OCA2: variants seen among roughly 807,000 people sequenced by gnomAD.
OCA2 encodes the protein P protein.
A neutral mutation model predicts 100.2 loss-of-function variants in OCA2; 77 were observed. The ratio of observed to expected loss-of-function variants is 0.77; its 90% CI spans 0.64 to 0.93. The LOEUF (loss-of-function observed/expected upper bound fraction) is 0.93, where lower values mean the gene tolerates loss of function less well. Among genes scored for constraint, OCA2 ranks in the 40% least tolerant of loss-of-function variants. The pLI is 0.00. For missense variants in OCA2, 1,062 were observed against 1,089.1 expected (o/e 0.98, Z 0.35); for synonymous variants, 432 against 439.2 (o/e 0.98, Z 0.21).
chr15:27,977,172 G>A lies in OCA2; in HGVS notation c.1503+6173C>T, dbSNP rs1013042730. Among the ~76,000 whole-genome samples, 13 of 152,050 alleles carry A rather than the reference G, an allele frequency of 8.5e-5. No individual in the cohort carries two copies. The South Asian group carries it at 1.2e-3, about 15-fold the overall frequency. ...GTCTCATTTTCCTCATCAGCTTGGC[G>A]AGATGTTTATCAATATTATTGATCT... On this transcript the variant is annotated intron_variant, in intron 14 of 23. Transcript: ENST00000354638.
intron 2 of OCA2, among the ~76,000 whole-genome samples, chr15:28,066,149 A>G (rs572905887): frequency 6.6e-6 from 1 of 152,358 alleles, no homozygotes; most frequent in African/African-American, 2.4e-5. Flanking sequence ...GATGTTTTAC[A>G]ACAACACCAA....
chr15:28,018,086 T>C (rs2042459017), intron 7 of OCA2, among the ~76,000 whole-genome samples: 1 of 151,110 alleles, frequency 6.6e-6, no homozygotes, highest in Non-Finnish European at 1.5e-5. Flanking sequence ...TTAACTGCAC[T>C]TCAACGACAC....
intron 23 of OCA2, among the ~76,000 whole-genome samples, chr15:27,761,983 G>A (rs2030879024): frequency 6.6e-6 from 1 of 152,176 alleles, no homozygotes; most frequent in Non-Finnish European, 1.5e-5. Context: ...ACCATGCCCA[G>A]TATGCCCAGC....
chr15:27,852,518 G>T (rs548575321), intron 21 of OCA2, among the ~76,000 whole-genome samples: 2 of 152,238 alleles, frequency 1.3e-5, no homozygotes, highest in East Asian at 3.9e-4. Context: ...CATGGGCAAG[G>T]ACTTCATGTC....
At chr15:27,988,871 T>C (rs1406568820) in intron 11 of OCA2, among the ~76,000 whole-genome samples, 1 of 152,092 alleles carries the variant, frequency 6.6e-6, no homozygotes, top group Non-Finnish European at 1.5e-5. Flanking sequence ...ACGGTTTCCA[T>C]CAGGTCACAT....
At chr15:27,905,802 T>C (rs2038154915) in intron 19 of OCA2, among the ~76,000 whole-genome samples, 1 of 152,194 alleles carries the variant, frequency 6.6e-6, no homozygotes, top group South Asian at 2.1e-4. Flanking sequence ...GCAAACGCTA[T>C]CAGGAGCGGA....
At chr15:27,958,691 A>C (rs2040312310) in intron 15 of OCA2, among the ~76,000 whole-genome samples, 1 of 152,222 alleles carries the variant, frequency 6.6e-6, no homozygotes, top group Non-Finnish European at 1.5e-5. Context: ...GAAAACCTAC[A>C]TTTAACCTCT....
intron 1 of OCA2, among the ~76,000 whole-genome samples, chr15:28,087,976 C>A (rs58590380): frequency 0.04 from 6,132 of 151,928 alleles, 428 homozygotes; most frequent in African/African-American, 0.14. Flanking sequence ...GCAGGATAAT[C>A]ATTTGAACCC....
At chr15:27,882,255 T>C (rs2037050594) in intron 19 of OCA2, among the ~76,000 whole-genome samples, 1 of 152,222 alleles carries the variant, frequency 6.6e-6, no homozygotes, top group Non-Finnish European at 1.5e-5. Flanking sequence ...AAAAAAATTT[T>C]CTCTAAGTTC....
chr15:27,926,038 A>C, intron 19 of OCA2, 89 bp downstream of exon 19: 1 of 1,439,130 alleles, frequency 6.9e-7, no homozygotes, highest in Non-Finnish European at 9.7e-7. Flanking sequence ...GGAAAGATTA[A>C]TAGATGTAGG....
chr15:27,953,823 T>C (rs528915363), intron 17 of OCA2, among the ~76,000 whole-genome samples: 2 of 152,180 alleles, frequency 1.3e-5, no homozygotes, highest in Admixed American at 6.5e-5. Flanking sequence ...GTAAGTTCTT[T>C]AGTGGTGATT....
At chr15:28,021,289 C>A (rs2042586574) in intron 6 of OCA2, among the ~76,000 whole-genome samples, 1 of 152,108 alleles carries the variant, frequency 6.6e-6, no homozygotes, top group African/African-American at 2.4e-5. Flanking sequence ...GGCTCTGGAC[C>A]CTGGCTGGAG....
intron 23 of OCA2, among the ~76,000 whole-genome samples, chr15:27,808,845 GT>G (rs1221357829): frequency 6.6e-6 from 1 of 152,310 alleles, no homozygotes; most frequent in South Asian, 2.1e-4. Flanking sequence ...TGGCCTATGT[GT>G]TGGCCACATC....
In OCA2 at chr15:27,824,578, T is replaced by TTCTCTCTCTCTCTCTCTC. The variant is rs368293640; in HGVS notation, c.2432+20363_2432+20380dup. Among the ~76,000 whole-genome samples the TTCTCTCTCTCTCTCTCTC allele has an allele frequency of 2.1e-3, 114 of 53,526 alleles. 10 individuals are homozygous for TTCTCTCTCTCTCTCTCTC. In the East Asian group the frequency reaches 0.03, roughly 14 times the overall value. 35.1% of individuals were successfully genotyped at this position (53,526 alleles called of 152,430 possible). On this transcript the variant is annotated intron_variant, in intron 23 of 23. Coordinates refer to ENST00000354638, the MANE Select transcript of OCA2 (RefSeq NM_000275.3). ...CTAATTTCTTTTGAATAAATACAAT[T>TTCTCTCTCTCTCTCTCTC]TCTCTCTCTCTCTCTCTCTCTCTCT... is the stretch of plus-strand genomic sequence containing the variant.
At chr15:27,931,917 AT>A (rs754921778) in intron 18 of OCA2, among the ~76,000 whole-genome samples, 2 of 152,176 alleles carry the variant, frequency 1.3e-5, no homozygotes, top group Non-Finnish European at 2.9e-5. Context: ...TCCTCACTGA[AT>A]GTCCCCTAAA....
At chr15:27,841,628 C>T (rs2035346903) in intron 23 of OCA2, among the ~76,000 whole-genome samples, 1 of 152,066 alleles carries the variant, frequency 6.6e-6, no homozygotes, top group Non-Finnish European at 1.5e-5. Context: ...ATTTAAAATA[C>T]AAAAATAAGC....
In OCA2 at chr15:27,947,153, G is replaced by A. The variant is rs141509191; in HGVS notation, c.1951+4631C>T. 1.5e-3 allele frequency among the ~76,000 whole-genome samples: 227 copies of A among 152,334 alleles called. 1 individual carries two copies. The highest frequency in any genetic ancestry group is 5.0e-3 in the African/African-American group (209 of 41,586). Reference sequence around the variant, plus strand: ...GGGTCTTCATTCTGAAGGCTCCTGTGTACACATGTTAAATGAATGTGTTTG... The same window carrying A: ...GGGTCTTCATTCTGAAGGCTCCTGTATACACATGTTAAATGAATGTGTTTG... On this transcript the variant is annotated intron_variant, in intron 18 of 23. Coordinates refer to ENST00000354638, the MANE Select transcript of OCA2 (RefSeq NM_000275.3).
chr15:27,825,855 G>A (rs2034700485), intron 23 of OCA2, among the ~76,000 whole-genome samples: 2 of 152,236 alleles, frequency 1.3e-5, no homozygotes, highest in South Asian at 4.1e-4. Flanking sequence ...GGACCAAAAG[G>A]ACCAGGGAGA....
At chr15:27,729,063 C>T in the OCA2 span, among the ~76,000 whole-genome samples, 8 of 152,168 alleles carry the variant, frequency 5.3e-5, no homozygotes, top group African/African-American at 1.7e-4. Flanking sequence ...CTGCTTTCCA[C>T]GCCTGCAAGA....
Sources: allele counts gnomAD v4.1 joint callset (sites outside exome capture counted in the v4.1 genomes callset), GRCh38; gene constraint gnomAD v4.1.1; transcripts MANE v1.5; gene names NCBI Gene and HGNC (gene_info 2026-07-23, HGNC 2026-07-21).